The following MACF1 variants were observed in gnomAD, a reference collection of about 807,000 sequenced individuals.
MACF1 encodes the protein microtubule-actin cross-linking factor 1.
In MACF1, 193 loss-of-function variants were observed where a neutral mutation model predicts 854.8. That is an observed-to-expected ratio of 0.23 (90% CI 0.20 to 0.25). MACF1 has a LOEUF of 0.25. Ranked by LOEUF, MACF1 falls within the 10% of genes least tolerant of loss-of-function variation. The pLI, the probability that MACF1 is intolerant of heterozygous loss-of-function variation, is 1.00. For synonymous variants in MACF1, 3,185 were observed against 3,226.7 expected, an observed-to-expected ratio of 0.99 and a Z score of 0.44; for missense variants, 7,722 against 8,929.1, an observed-to-expected ratio of 0.86 and a Z score of 5.45.
At chr1:39,463,417 AG>A (rs909338823) in intron 93 of MACF1, among the ~76,000 whole-genome samples, 194 bp from the exon 94 acceptor site, 10 of 151,524 alleles carry the variant, frequency 6.6e-5, no homozygotes, top group Non-Finnish European at 1.5e-5. Flanking sequence ...TTGAACCAGG[AG>A]GCGGAGGTTG....
At position 39,454,984 on chromosome 1, in the gene MACF1, C is replaced by A. The variant is rs772147547; in HGVS notation, c.20962C>A (p.Leu6988Met). ...AGAACTGGTGGCTAATGCTGAGCTC[C>A]TGGAAGAACTTCTGGCATGGATCCA... ...LSELVANAEL[L>M]EELLAWIQWA... is the part of the protein sequence containing the mutation. Residue 6988 changes from leucine to methionine, a missense_variant, in exon 89 of 101, where the codon CTG (leucine) becomes ATG (methionine). Physicochemically the swap from Leu to Met is conservative, Grantham distance 15. Transcript: ENST00000564288. The A allele has an allele frequency of 3.1e-6, 5 of 1,614,142 alleles. No homozygotes were observed. The East Asian group carries it at 8.9e-5, about 29-fold the overall frequency.
At chr1:39,429,190 GTTTCA>G in intron 63 of MACF1, 47 bp from the exon 64 acceptor site, 1 of 922,204 alleles carries the variant, frequency 1.1e-6, no homozygotes, top group Non-Finnish European at 1.8e-6. Flanking sequence ...CTCGCATTTT[GTTTCA>G]TTTGTAGTGC....
At chr1:39,278,779 A>G (rs1428037429) in intron 6 of MACF1, among the ~76,000 whole-genome samples, 1 of 152,208 alleles carries the variant, frequency 6.6e-6, no homozygotes, top group Non-Finnish European at 1.5e-5. Flanking sequence ...GAAGCTGTTT[A>G]TAGGAAGAGC....
intron 68 of MACF1, 53 bp from the exon 69 acceptor site, chr1:39,434,361 A>C (rs1643926672): frequency 4.7e-6 from 5 of 1,073,920 alleles, no homozygotes; most frequent in African/African-American, 1.6e-5. Flanking sequence ...TTTTTTCTTA[A>C]GAGTTTATAA....
At chr1:39,272,258 C>G (rs553268674) in intron 6 of MACF1, among the ~76,000 whole-genome samples, 1 of 152,348 alleles carries the variant, frequency 6.6e-6, no homozygotes, top group Non-Finnish European at 1.5e-5. Flanking sequence ...GGCTGCAACT[C>G]TCACTGGTCC....
intron 58 of MACF1, among the ~76,000 whole-genome samples, chr1:39,395,124 A>G (rs897010888): frequency 2.0e-5 from 3 of 152,312 alleles, no homozygotes; most frequent in South Asian, 4.1e-4. Context: ...GCCTGCCACT[A>G]TCAACATTTT....
chr1:39,225,684 G>A (rs1344114344), intron 1 of MACF1, among the ~76,000 whole-genome samples: 1 of 152,096 alleles, frequency 6.6e-6, no homozygotes, highest in Admixed American at 6.6e-5. Flanking sequence ...CCTTTGGTGG[G>A]GCTGAGATTA....
At chr1:39,120,426 G>A (rs1006934318) in intron 2 of MACF1, among the ~76,000 whole-genome samples, 6 of 151,790 alleles carry the variant, frequency 4.0e-5, no homozygotes, top group Admixed American at 2.6e-4. Flanking sequence ...GTGCAGTGGC[G>A]CTGTCTCTGC....
chr1:39,359,654 T>C (rs747730960), intron 47 of MACF1, among the ~76,000 whole-genome samples: 26 of 152,132 alleles, frequency 1.7e-4, no homozygotes, highest in Middle Eastern at 3.4e-3. Flanking sequence ...GAGTATATCA[T>C]GGTGACTATA....
Position 39,385,726 on chromosome 1 carries a change from C to T in MACF1, c.14141C>T (p.Thr4714Ile). Reference sequence around the variant, plus strand: ...CTGAGTGTCCAGTCAGCTATCAGCACCCAACCAGAGGCTGTAAAGCAGCAA... The same window carrying T: ...CTGAGTGTCCAGTCAGCTATCAGCATCCAACCAGAGGCTGTAAAGCAGCAA... ...QRLSVQSAIS[T>I]QPEAVKQQLE... is the part of the protein sequence containing the mutation. The change falls in exon 57 of 101, where the codon ACC (threonine) becomes ATC (isoleucine). Residue 4714 changes from threonine (T) to isoleucine (I), a missense_variant. Physicochemically the swap from Thr to Ile is moderately conservative, Grantham distance 89. Transcript: ENST00000564288. 1.2e-6 allele frequency: 2 copies of T among 1,614,102 alleles called. No individual in the cohort carries two copies. Among genetic ancestry groups the T allele is most frequent in the Middle Eastern group, 3.3e-4 (2 of 6,062 alleles).
chr1:39,407,855 ATGTT>A (rs1374826711), intron 58 of MACF1, among the ~76,000 whole-genome samples: 3 of 152,154 alleles, frequency 2.0e-5, no homozygotes. Context: ...ATTTTAATAG[ATGTT>A]TTTTTCCTTC....
At chr1:39,222,908 T>C (rs1317932635) in intron 1 of MACF1, among the ~76,000 whole-genome samples, 2 of 152,186 alleles carry the variant, frequency 1.3e-5, no homozygotes, top group Admixed American at 6.6e-5. Flanking sequence ...ACTGGGACTA[T>C]GTGGGTAGGC....
At chr1:39,229,809 T>G (rs1644758508) in intron 1 of MACF1, among the ~76,000 whole-genome samples, 1 of 152,176 alleles carries the variant, frequency 6.6e-6, no homozygotes, top group Non-Finnish European at 1.5e-5. Flanking sequence ...TAATCACGGC[T>G]CACTGCAACG....
intron 2 of MACF1, among the ~76,000 whole-genome samples, chr1:39,140,905 A>T (rs556115986): frequency 1.9e-5 from 2 of 105,406 alleles, no homozygotes; most frequent in African/African-American, 7.9e-5. Flanking sequence ...ACAGAGTGAG[A>T]CTCTGTCTCA....
rs1203638097 is a variant in MACF1, at chr1:39,418,581, G to A, written c.15817-3793G>A. Among the ~76,000 whole-genome samples the A allele has an allele frequency of 2.0e-5, 3 of 152,352 alleles. No individual in the cohort carries two copies. The East Asian group carries it at 5.8e-4, about 29-fold the overall frequency. On this transcript the variant is annotated intron_variant, in intron 58 of 100. Transcript: ENST00000564288. ...TAAAACTGGAAAAATGCAATAACAAGGCTGGATGCCGTGGCTCATGCCTGT... is the reference window on the plus strand; with the variant it reads ...TAAAACTGGAAAAATGCAATAACAAAGCTGGATGCCGTGGCTCATGCCTGT...
rs1381080087 is a variant in MACF1 at position 39,335,389 on chromosome 1, A to G, written c.8801A>G (p.Glu2934Gly). 2 of 1,614,034 alleles carry G rather than the reference A, an allele frequency of 1.2e-6. No homozygotes were observed. The highest frequency in any genetic ancestry group is 2.2e-5 in the South Asian group (2 of 91,078). Reference protein sequence around the residue: ...KQSTSCLDSEEIRENQGEVIL... With the variant: ...KQSTSCLDSEGIRENQGEVIL... Reference sequence around the variant, plus strand: ...TCTACCTCATGTCTAGATTCTGAAGAAATAAGAGAAAATCAAGGGGAAGTG... The same window carrying G: ...TCTACCTCATGTCTAGATTCTGAAGGAATAAGAGAAAATCAAGGGGAAGTG... Residue 2934 changes from glutamate (E) to glycine (G), a missense_variant, in exon 37 of 101, where the codon GAA becomes GGA. Around this residue, in one of 15 missense-constraint regions of MACF1, gnomAD observed 854 missense variants for 852.6 expected, o/e 1.00. Coordinates refer to ENST00000564288, the MANE Select transcript of MACF1 (RefSeq NM_001394062.1).
Position 39,210,620 on chromosome 1 carries a change from A to G in MACF1, c.109+5489A>G, listed in dbSNP as rs550604149. Among the ~76,000 whole-genome samples the G allele has an allele frequency of 2.0e-5, 3 of 152,120 alleles. No individual in the cohort carries two copies. The East Asian group carries it at 5.8e-4, about 29-fold the overall frequency. ...TCTTGCTCTTCTGCTTACATGTTGGACTGGTCACTTACTTCCTCTGGTCTT... is the reference window on the plus strand; with the variant it reads ...TCTTGCTCTTCTGCTTACATGTTGGGCTGGTCACTTACTTCCTCTGGTCTT... On this transcript the variant is annotated intron_variant, in intron 1 of 100. Coordinates refer to ENST00000564288, the MANE Select transcript of MACF1 (RefSeq NM_001394062.1).
chr1:39,277,723 C>T (rs1369618055), intron 6 of MACF1, among the ~76,000 whole-genome samples: 1 of 152,210 alleles, frequency 6.6e-6, no homozygotes, highest in East Asian at 1.9e-4. Flanking sequence ...GTTTGGATTA[C>T]TTGCTTACCT....
chr1:39,303,262 C>T (rs548407883), intron 23 of MACF1, among the ~76,000 whole-genome samples, 184 bp downstream of exon 23: 85 of 152,338 alleles, frequency 5.6e-4, no homozygotes, highest in South Asian at 2.3e-3. Context: ...TCAATAAATA[C>T]TTCTGTTCAG....
Sources: allele counts gnomAD v4.1 joint callset (sites outside exome capture counted in the v4.1 genomes callset), GRCh38; gene constraint gnomAD v4.1.1; regional missense constraint gnomAD v4.1.1; transcripts MANE v1.5; gene names NCBI Gene and HGNC (gene_info 2026-07-23, HGNC 2026-07-21).